The following TAF4B variants were observed in gnomAD, a reference collection of about 807,000 sequenced individuals.
TAF4B encodes TATA-box binding protein associated factor 4b, also known as transcription initiation factor TFIID subunit 4B.
A neutral mutation model predicts 86.4 loss-of-function variants in TAF4B; 38 were observed. That is an observed-to-expected ratio of 0.44 (90% confidence interval 0.34 to 0.58). The LOEUF (loss-of-function observed/expected upper bound fraction) is 0.58. TAF4B is among the 20% of genes least tolerant of loss of function. The pLI, the probability that TAF4B is intolerant of heterozygous loss-of-function variation, is 0.02. For missense variants in TAF4B, 988 were observed against 1,027.6 expected (o/e 0.96, Z 0.53); for synonymous variants, 388 against 391.2 (o/e 0.99, Z 0.10).
intron 1 of TAF4B, among the ~76,000 whole-genome samples, chr18:26,254,889 C>G (rs571811804): frequency 6.6e-6 from 1 of 152,296 alleles, no homozygotes; most frequent in South Asian, 2.1e-4. Context: ...GGATTTGCAA[C>G]AGAAAGCTCA....
At position 26,285,580 on chromosome 18, in the gene TAF4B, A is replaced by G. The variant is rs572781396; in HGVS notation, c.973-302A>G. On this transcript the variant is annotated intron_variant, in intron 6 of 14. Coordinates refer to ENST00000269142, the MANE Select transcript of TAF4B (RefSeq NM_005640.3). ...ATACTGAAGTTACTAATGATCTATT[A>G]TAGGGTTTAGATGATTATAGAAAAG... 2.6e-5 allele frequency among the ~76,000 whole-genome samples: 4 copies of G among 152,274 alleles called. No homozygotes were observed. In the East Asian group the frequency reaches 7.7e-4, roughly 29 times the overall value.
At chr18:26,259,842 C>T (rs2056138764) in intron 1 of TAF4B, among the ~76,000 whole-genome samples, 4 of 147,336 alleles carry the variant, frequency 2.7e-5, no homozygotes, top group Admixed American at 2.0e-4. Flanking sequence ...AGTTCTAGAT[C>T]CTTGAGGAAT....
intron 9 of TAF4B, among the ~76,000 whole-genome samples, chr18:26,308,406 TAA>T (rs2056818452): frequency 6.6e-6 from 1 of 152,198 alleles, no homozygotes; most frequent in Non-Finnish European, 1.5e-5. Flanking sequence ...TAGTGCAGAA[TAA>T]ACTGAGAAGG....
At chr18:26,329,630 A>G (rs909952411) in intron 12 of TAF4B, among the ~76,000 whole-genome samples, 1 of 152,192 alleles carries the variant, frequency 6.6e-6, no homozygotes, top group Non-Finnish European at 1.5e-5. Flanking sequence ...TACCTTCTGT[A>G]GGATGACCTT....
intron 13 of TAF4B, among the ~76,000 whole-genome samples, chr18:26,346,897 A>T (rs74532954): frequency 8.4e-5 from 1 of 11,904 alleles, no homozygotes. Context: ...ATATATATAT[A>T]TATGTGTGTG....
chr18:26,255,724 G>A, intron 1 of TAF4B: 1 of 1,598,208 alleles, frequency 6.3e-7, no homozygotes, highest in South Asian at 1.1e-5. Flanking sequence ...ATGGGCAGAG[G>A]CTGTGGCCCC....
chr18:26,312,360 G>A (rs2056861773), intron 9 of TAF4B, among the ~76,000 whole-genome samples: 1 of 151,914 alleles, frequency 6.6e-6, no homozygotes, highest in Admixed American at 6.6e-5. Flanking sequence ...CTGTTTTTTT[G>A]TGGCACCTTT....
chr18:26,247,478 T>A (rs1406517428), intron 1 of TAF4B, among the ~76,000 whole-genome samples: 4 of 152,118 alleles, frequency 2.6e-5, no homozygotes, highest in Non-Finnish European at 5.9e-5. Context: ...ATTTTTTAAA[T>A]TAAAAAGATG....
intron 12 of TAF4B, among the ~76,000 whole-genome samples, chr18:26,334,053 T>C (rs957624942): frequency 2.0e-5 from 3 of 151,916 alleles, no homozygotes; most frequent in Admixed American, 6.6e-5. Context: ...TAAATACATA[T>C]ATACACAGAC....
chr18:26,295,065 A>AAATATATAT, intron 9 of TAF4B: 1 of 154,232 alleles, frequency 6.5e-6, no homozygotes, highest in Middle Eastern at 2.9e-3. Flanking sequence ...TTTGGATCTT[A>AAATATATAT]AATATATATA....
intron 1 of TAF4B, among the ~76,000 whole-genome samples, chr18:26,233,715 C>T (rs1032119073): frequency 6.6e-6 from 1 of 152,180 alleles, no homozygotes; most frequent in Non-Finnish European, 1.5e-5. Context: ...ACCACTTCCT[C>T]AGCCCTCTCT....
intron 12 of TAF4B, among the ~76,000 whole-genome samples, 193 bp downstream of exon 12, chr18:26,327,333 C>T (rs1358767091): frequency 6.6e-6 from 1 of 152,130 alleles, no homozygotes; most frequent in Non-Finnish European, 1.5e-5. Context: ...TTTAATGAGT[C>T]ATAATCTTTT....
intron 2 of TAF4B, among the ~76,000 whole-genome samples, chr18:26,265,699 C>G (rs1319136551): frequency 6.6e-6 from 1 of 152,002 alleles, no homozygotes; most frequent in Non-Finnish European, 1.5e-5. Flanking sequence ...ATAGCTGGGA[C>G]CACAACTGCA....
At chr18:26,344,023 A>T (rs542003421) in intron 13 of TAF4B, among the ~76,000 whole-genome samples, 1 of 152,226 alleles carries the variant, frequency 6.6e-6, no homozygotes, top group Non-Finnish European at 1.5e-5. Context: ...AGCAAATTAT[A>T]AACACTCTTG....
intron 13 of TAF4B, among the ~76,000 whole-genome samples, chr18:26,335,761 C>A (rs1285819040): frequency 6.6e-6 from 1 of 152,128 alleles, no homozygotes; most frequent in Non-Finnish European, 1.5e-5. Flanking sequence ...ATAGCTTAGA[C>A]TGGTTAAGCT....
chr18:26,268,797 T>C (rs1006447889), intron 3 of TAF4B, among the ~76,000 whole-genome samples: 4 of 152,076 alleles, frequency 2.6e-5, no homozygotes, highest in Non-Finnish European at 5.9e-5. Flanking sequence ...GTGTCTATTT[T>C]ATTTATTTTT....
chr18:26,252,134 A>G (rs972730130), intron 1 of TAF4B, among the ~76,000 whole-genome samples: 9 of 152,212 alleles, frequency 5.9e-5, no homozygotes, highest in African/African-American at 2.2e-4. Flanking sequence ...TTCTGTAATT[A>G]CTTTCAACAT....
Position 26,357,769 on chromosome 18 carries a change from A to G in TAF4B, c.2396A>G (p.Lys799Arg), listed in dbSNP as rs200317761. 1 of 1,611,412 alleles carries G rather than the reference A, an allele frequency of 6.2e-7. No homozygotes were observed. Among genetic ancestry groups the G allele is most frequent in the South Asian group, 1.1e-5 (1 of 90,680 alleles). The stretch of plus-strand genomic sequence containing the variant: ...CTTGCAGCTATTGGACCAAGGAAGA[A>G]GAGACCACTAGAATCTGGAATTGAG... ...TALAAIGPRK[K>R]RPLESGIEGL... The change falls in exon 14 of 15, where the codon AAG becomes AGG. Residue 799 changes from lysine to arginine, a missense_variant. This residue lies in a region of TAF4B where 216 missense variants were observed against 238.4 expected (regional missense o/e 0.91). Coordinates refer to ENST00000269142, the MANE Select transcript of TAF4B (RefSeq NM_005640.3).
intron 11 of TAF4B, among the ~76,000 whole-genome samples, chr18:26,324,541 C>G (rs1181872577): frequency 2.0e-5 from 3 of 152,162 alleles, no homozygotes; most frequent in Non-Finnish European, 4.4e-5. Context: ...GTATAGCTTT[C>G]AGCTGGAATT....
Sources: gnomAD v4.1 joint callset for allele counts (sites outside exome capture counted in the v4.1 genomes callset) on GRCh38, gnomAD v4.1.1 for gene constraint, gnomAD v4.1.1 regional missense constraint, MANE v1.5 for transcripts, NCBI Gene and HGNC (gene_info 2026-07-23, HGNC 2026-07-21) for gene names.